SMYD3: variants seen among roughly 807,000 people sequenced by gnomAD.
The protein encoded by SMYD3 is SET and MYND domain containing 3.
A neutral mutation model predicts 57.7 loss-of-function variants in SMYD3; 36 were observed. That is an observed-to-expected ratio of 0.62 (90% CI 0.48 to 0.82). The LOEUF (loss-of-function observed/expected upper bound fraction) is 0.82, where lower values mean the gene tolerates loss of function less well. SMYD3 is among the 40% of genes least tolerant of loss of function. The pLI is 0.00. For missense variants in SMYD3, 515 were observed against 538.8 expected (o/e 0.96, Z 0.44); for synonymous variants, 211 against 195.0 (o/e 1.08, Z -0.68).
At chr1:246,451,089 G>A (rs2067626681) in intron 1 of SMYD3, among the ~76,000 whole-genome samples, 1 of 152,162 alleles carries the variant, frequency 6.6e-6, no homozygotes, top group African/African-American at 2.4e-5. Context: ...ATTATGCCAG[G>A]CTCCAGAAGG....
At chr1:245,967,322 T>C (rs925751629) in intron 5 of SMYD3, among the ~76,000 whole-genome samples, 17 of 152,340 alleles carry the variant, frequency 1.1e-4, no homozygotes, top group Admixed American at 4.6e-4. Context: ...TTTAAAGTTA[T>C]GGGCAACTTA....
At chr1:245,936,871 GTAA>G (rs1409452027) in intron 5 of SMYD3, among the ~76,000 whole-genome samples, 1 of 152,104 alleles carries the variant, frequency 6.6e-6, no homozygotes, top group East Asian at 1.9e-4. Context: ...AAATGTTGTG[GTAA>G]TAATGTTTTT....
At chr1:245,794,650 T>C (rs909740163) in intron 10 of SMYD3, among the ~76,000 whole-genome samples, 2 of 152,236 alleles carry the variant, frequency 1.3e-5, no homozygotes, top group Non-Finnish European at 2.9e-5. Flanking sequence ...AGAAACTTAT[T>C]GGATAGTCTC....
intron 1 of SMYD3, among the ~76,000 whole-genome samples, chr1:246,374,508 T>C (rs187623216): frequency 2.3e-4 from 35 of 152,240 alleles, no homozygotes; most frequent in African/African-American, 8.2e-4. Flanking sequence ...GATTTGACTG[T>C]ATAATATGGC....
intron 1 of SMYD3, among the ~76,000 whole-genome samples, chr1:246,357,582 C>T (rs1034423746): frequency 6.6e-6 from 1 of 152,128 alleles, no homozygotes; most frequent in African/African-American, 2.4e-5. Context: ...TGGACTCACC[C>T]TGAATTATTT....
chr1:245,778,147 A>T (rs979356334), intron 10 of SMYD3, among the ~76,000 whole-genome samples: 3 of 152,214 alleles, frequency 2.0e-5, no homozygotes, highest in Non-Finnish European at 4.4e-5. Flanking sequence ...TCCAAGCTTG[A>T]TATTTGTAGA....
chr1:246,322,066 A>G (rs2065258105), intron 5 of SMYD3, among the ~76,000 whole-genome samples: 1 of 152,106 alleles, frequency 6.6e-6, no homozygotes, highest in Admixed American at 6.6e-5. Flanking sequence ...CAATAAATCC[A>G]TTTCAAAATC....
Position 245,915,742 on chromosome 1 carries a change from T to C in SMYD3, c.703-102A>G, listed in dbSNP as rs548079836. 62 of 684,358 alleles carry C rather than the reference T, an allele frequency of 9.1e-5. No homozygotes were observed. In the East Asian group the frequency reaches 1.7e-3, roughly 18 times the overall value. The allele number at this position is 684,358 out of a possible 1,614,324, so 42.4% of individuals were successfully genotyped here. ...TAATTATTGGAGTAAAACTTGTTTT[T>C]ATTATAAACCAAAAATATAAGAGAG... is the stretch of plus-strand genomic sequence containing the variant. On this transcript the variant is annotated intron_variant, in intron 7 of 11. Transcript: ENST00000490107.
intron 5 of SMYD3, among the ~76,000 whole-genome samples, chr1:246,310,974 TAAGGCTTTA>T (rs2065067272): frequency 6.6e-6 from 1 of 152,208 alleles, no homozygotes. Flanking sequence ...GGCCTAACAG[TAAGGCTTTA>T]AAGAGCCTAC....
chr1:245,847,675 C>T (rs951375271), intron 10 of SMYD3, among the ~76,000 whole-genome samples: 1 of 150,272 alleles, frequency 6.7e-6, no homozygotes, highest in Non-Finnish European at 1.5e-5. Context: ...ACTGATTCAA[C>T]AGGAGAAATT....
chr1:246,321,940 A>G, intron 5 of SMYD3: 1 of 152,440 alleles, frequency 6.6e-6, no homozygotes, highest in Non-Finnish European at 1.5e-5. Flanking sequence ...GTTTTTTTGT[A>G]AAGATGGCAT....
chr1:245,871,201 G>C (rs1011884386), intron 8 of SMYD3, among the ~76,000 whole-genome samples: 4 of 152,190 alleles, frequency 2.6e-5, no homozygotes, highest in African/African-American at 9.7e-5. Flanking sequence ...AGAGAGATTG[G>C]AAAGTCTTGA....
At chr1:246,191,597 C>T (rs1429158895) in intron 5 of SMYD3, among the ~76,000 whole-genome samples, 1 of 152,120 alleles carries the variant, frequency 6.6e-6, no homozygotes, top group African/African-American at 2.4e-5. Flanking sequence ...AAAGATCAAA[C>T]ATATTTGAAA....
At chr1:246,393,199 A>G (rs1451299781) in intron 1 of SMYD3, among the ~76,000 whole-genome samples, 2 of 152,238 alleles carry the variant, frequency 1.3e-5, no homozygotes, top group African/African-American at 4.8e-5. Flanking sequence ...ATGTTAAAAA[A>G]AATACACAGA....
chr1:246,176,272 T>C (rs573875420), intron 5 of SMYD3, among the ~76,000 whole-genome samples: 10 of 152,228 alleles, frequency 6.6e-5, no homozygotes, highest in Admixed American at 5.9e-4. Context: ...ACTACACCCA[T>C]AAGTACCAGT....
At chr1:246,094,232 C>T (rs1430931703) in intron 5 of SMYD3, among the ~76,000 whole-genome samples, 1 of 152,112 alleles carries the variant, frequency 6.6e-6, no homozygotes, top group Non-Finnish European at 1.5e-5. Context: ...TAATGTTACA[C>T]TGAAACTAAC....
intron 5 of SMYD3, among the ~76,000 whole-genome samples, chr1:246,179,580 T>G (rs543589068): frequency 2.0e-5 from 3 of 152,310 alleles, no homozygotes; most frequent in South Asian, 4.1e-4. Flanking sequence ...TAGATCCCTT[T>G]TAGTAGATTT....
chr1:246,267,441 G>A (rs2064130602), intron 5 of SMYD3, among the ~76,000 whole-genome samples: 1 of 152,092 alleles, frequency 6.6e-6, no homozygotes, highest in Non-Finnish European at 1.5e-5. Flanking sequence ...CAGTCCATAG[G>A]CACATCCTTA....
intron 5 of SMYD3, among the ~76,000 whole-genome samples, chr1:246,162,994 T>C (rs1299569940): frequency 6.6e-6 from 1 of 152,196 alleles, no homozygotes; most frequent in East Asian, 1.9e-4. Context: ...ATCTGTATTG[T>C]TAACTTGAAA....
Sources: gnomAD v4.1 joint callset for allele counts (sites outside exome capture counted in the v4.1 genomes callset) on GRCh38, gnomAD v4.1.1 for gene constraint, MANE v1.5 for transcripts, NCBI Gene and HGNC (gene_info 2026-07-23, HGNC 2026-07-21) for gene names.